The following FAT4 variants were observed in gnomAD, a reference collection of about 807,000 sequenced individuals.
FAT4 encodes FAT atypical cadherin 4.
FAT4 carries 84 observed loss-of-function variants against 303.9 expected under a neutral mutation model. The ratio of observed to expected loss-of-function variants is 0.28; its 90% CI spans 0.23 to 0.33. The LOEUF (loss-of-function observed/expected upper bound fraction) is 0.33, where lower values mean the gene tolerates loss of function less well. FAT4 is among the 10% of genes least tolerant of loss of function. The pLI, the probability that FAT4 is intolerant of heterozygous loss-of-function variation, is 1.00. For synonymous variants in FAT4, 2,307 were observed against 2,298.8 expected (o/e 1.00, Z -0.10); for missense variants, 6,005 against 6,146.8 (o/e 0.98, Z 0.77).
At chr4:125,426,389 T>C (rs945248135) in intron 7 of FAT4, among the ~76,000 whole-genome samples, 5 of 152,068 alleles carry the variant, frequency 3.3e-5, no homozygotes, top group Non-Finnish European at 7.4e-5. Flanking sequence ...GAAATGCATT[T>C]GACTTAATTT....
At chr4:125,322,832 A>C (rs1731009175) in intron 2 of FAT4, among the ~76,000 whole-genome samples, 1 of 151,946 alleles carries the variant, frequency 6.6e-6, no homozygotes, top group Non-Finnish European at 1.5e-5. Context: ...GGACCATATT[A>C]ATTAGAGATA....
chr4:125,355,570 A>AT (rs1199058878), intron 2 of FAT4, among the ~76,000 whole-genome samples: 2 of 152,028 alleles, frequency 1.3e-5, no homozygotes, highest in East Asian at 3.9e-4. Context: ...TCTGTGAATG[A>AT]GGAAACACCT....
Position 125,449,437 on chromosome 4 carries a change from T to C in FAT4, c.8427T>C (p.Ser2809=). The C allele has an allele frequency of 1.9e-6, 3 of 1,613,856 alleles. No individual in the cohort carries two copies. Among genetic ancestry groups the C allele is most frequent in the Non-Finnish European group, 8.5e-7 (1 of 1,179,858 alleles). ...AAGACATTGGGATCAATGCAATTAG[T>C]AGATATTCTATAATGGATGCAAGTC... ...SDEDIGINAI[S]RYSIMDASLP... The change falls in exon 10 of 18, where the codon AGT becomes AGC. Residue 2809 remains serine, a synonymous_variant. Transcript: ENST00000394329.
At chr4:125,354,538 C>T (rs749839505) in intron 2 of FAT4, among the ~76,000 whole-genome samples, 3 of 151,522 alleles carry the variant, frequency 2.0e-5, no homozygotes, top group Non-Finnish European at 4.4e-5. Context: ...AAAAGAGAGT[C>T]CCAGGCCAAT....
rs776836295 is a variant in FAT4, at chr4:125,320,937, G to A, written c.4526G>A (p.Arg1509Gln). The A allele has an allele frequency of 1.3e-5, 21 of 1,614,028 alleles. No individual in the cohort carries two copies. The highest frequency in any genetic ancestry group is 3.3e-4 in the Middle Eastern group (2 of 6,084). The change falls in exon 2 of 18, where the codon CGG becomes CAG. Residue 1509 changes from arginine (R) to glutamine (Q), a missense_variant. Arg to Gln is a conservative substitution (Grantham distance 43, BLOSUM62 1). Transcript: ENST00000394329. ...CAAGCTGTGCCAATAGAAACTAGAC[G>A]GTATGCTTTGAAGAACGTGACCATT... Reference protein sequence around the residue: ...NDQAVPIETRRYALKNVTILV... With the variant: ...NDQAVPIETRQYALKNVTILV...
intron 7 of FAT4, among the ~76,000 whole-genome samples, chr4:125,426,305 T>C (rs6842220): frequency 0.35 from 53,300 of 151,950 alleles, 9,500 homozygotes; most frequent in Middle Eastern, 0.49. Flanking sequence ...TAATGAAAAT[T>C]GCTTGAAAAC....
intron 2 of FAT4, among the ~76,000 whole-genome samples, chr4:125,377,438 T>G (rs768044520): frequency 1.1e-4 from 16 of 152,154 alleles, no homozygotes; most frequent in Non-Finnish European, 2.4e-4. Flanking sequence ...ATGATTTGCT[T>G]GCTTTATAAT....
chr4:125,431,912 C>T lies in FAT4; in HGVS notation c.7019-2333C>T, dbSNP rs141244174. The stretch of plus-strand genomic sequence containing the variant: ...CTAACATTATTCAGAGCATTAACTT[C>T]CATTTCATAAAATTGTATATAGTGA... On this transcript the variant is annotated intron_variant, in intron 7 of 17. Coordinates refer to ENST00000394329, the MANE Select transcript of FAT4 (RefSeq NM_001291303.3). Among the ~76,000 whole-genome samples the T allele has an allele frequency of 1.6e-3, 241 of 152,206 alleles. 2 individuals are homozygous for T. Among genetic ancestry groups the T allele is most frequent in the African/African-American group, 5.3e-3 (219 of 41,520 alleles).
At chr4:125,480,475 C>T (rs902051777) in intron 15 of FAT4, among the ~76,000 whole-genome samples, 5 of 152,138 alleles carry the variant, frequency 3.3e-5, no homozygotes, top group Admixed American at 3.3e-4. Context: ...TCGAGCTGCA[C>T]ATCTCACTAA....
intron 10 of FAT4, among the ~76,000 whole-genome samples, chr4:125,453,971 TG>T (rs1726190775): frequency 6.6e-6 from 1 of 152,200 alleles, no homozygotes; most frequent in Admixed American, 6.5e-5. Context: ...AATCAGTGGT[TG>T]ATGTTCCTTC....
rs754931963 is a variant in FAT4, at chr4:125,319,506, C to A, written c.3095C>A (p.Ala1032Glu). 1 of 1,613,244 alleles carries A rather than the reference C, an allele frequency of 6.2e-7. No homozygotes were observed. Among genetic ancestry groups the A allele is most frequent in the African/African-American group, 1.3e-5 (1 of 75,006 alleles). Residue 1032 changes from alanine to glutamate, a missense_variant, in exon 2 of 18, where the codon GCA becomes GAA. Physicochemically the swap from Ala to Glu is moderately radical, Grantham distance 107 (BLOSUM62 -1). Transcript: ENST00000394329. Reference protein sequence around the residue: ...DKDSGANGEIAYTIAEGNTGD... With the variant: ...DKDSGANGEIEYTIAEGNTGD... Reference sequence around the variant, plus strand: ...GATTCAGGAGCAAATGGTGAAATTGCATACACCATTGCTGAAGGAAATACA... The same window carrying A: ...GATTCAGGAGCAAATGGTGAAATTGAATACACCATTGCTGAAGGAAATACA...
At chr4:125,324,887 G>T (rs7654852) in intron 2 of FAT4, among the ~76,000 whole-genome samples, 97,687 of 151,952 alleles carry the variant, frequency 0.64, 31,796 homozygotes, top group African/African-American at 0.69. Flanking sequence ...TATATAACAT[G>T]TTTATTTTGT....
chr4:125,456,890 A>G (rs1038628598), intron 10 of FAT4, among the ~76,000 whole-genome samples: 5 of 152,186 alleles, frequency 3.3e-5, no homozygotes, highest in Non-Finnish European at 7.3e-5. Context: ...GTTAACATGA[A>G]TTAAATTGTA....
intron 2 of FAT4, among the ~76,000 whole-genome samples, chr4:125,384,987 C>T (rs909896955): frequency 4.3e-5 from 6 of 138,264 alleles, no homozygotes; most frequent in South Asian, 4.5e-4. Flanking sequence ...GAAACACACA[C>T]ATATATATAT....
At chr4:125,384,733 T>C (rs1480094634) in intron 2 of FAT4, among the ~76,000 whole-genome samples, 1 of 151,952 alleles carries the variant, frequency 6.6e-6, no homozygotes, top group East Asian at 1.9e-4. Flanking sequence ...TAGAGCAACA[T>C]GTAGTGTAAT....
rs1325058429 is a variant in FAT4 at position 125,485,582 on chromosome 4, T to C, written c.12823-1763T>C. 2.0e-5 allele frequency among the ~76,000 whole-genome samples: 3 copies of C among 152,276 alleles called. No individual in the cohort carries two copies. In the East Asian group the frequency reaches 5.8e-4, roughly 29 times the overall value. ...CAATAACACAGATGGAACTGTCATC[T>C]CCTATGATAACAATGCCTTCTTCTG... On this transcript the variant is annotated intron_variant, in intron 16 of 17. Transcript: ENST00000394329.
chr4:125,380,896 C>T (rs887751098), intron 2 of FAT4, among the ~76,000 whole-genome samples: 9 of 152,058 alleles, frequency 5.9e-5, no homozygotes, highest in Non-Finnish European at 8.8e-5. Context: ...GCAGGAAAAC[C>T]TAATTAGTAG....
At chr4:125,382,208 G>T (rs757072766) in intron 2 of FAT4, among the ~76,000 whole-genome samples, 1 of 152,118 alleles carries the variant, frequency 6.6e-6, no homozygotes, top group Non-Finnish European at 1.5e-5. Context: ...CTAGAATGGT[G>T]AATTCTTTCC....
At chr4:125,325,568 A>G (rs1055278214) in intron 2 of FAT4, among the ~76,000 whole-genome samples, 2 of 152,324 alleles carry the variant, frequency 1.3e-5, no homozygotes, top group African/African-American at 4.8e-5. Context: ...TCAGCTTACA[A>G]TTCAATTACA....
Sources: allele counts gnomAD v4.1 joint callset (sites outside exome capture counted in the v4.1 genomes callset), GRCh38; gene constraint gnomAD v4.1.1; transcripts MANE v1.5; gene names NCBI Gene and HGNC (gene_info 2026-07-23, HGNC 2026-07-21).